The following TMEM132D variants were observed in gnomAD, a reference collection of about 807,000 sequenced individuals.
TMEM132D encodes the protein transmembrane protein 132D.
Under a neutral mutation model 62.3 loss-of-function variants are expected in TMEM132D, and 21 were observed. That is an observed-to-expected ratio of 0.34 (90% CI 0.24 to 0.49). The LOEUF is 0.49. Ranked by LOEUF, TMEM132D falls within the 20% of genes least tolerant of loss-of-function variation. TMEM132D has a pLI of 0.99. For synonymous variants in TMEM132D, 621 were observed against 575.6 expected, an observed-to-expected ratio of 1.08 and a Z score of -1.13; for missense variants, 1,346 against 1,402.8, an observed-to-expected ratio of 0.96 and a Z score of 0.65.
At chr12:129,595,331 G>A (rs920002069) in intron 2 of TMEM132D, among the ~76,000 whole-genome samples, 19 of 152,186 alleles carry the variant, frequency 1.2e-4, no homozygotes, top group African/African-American at 4.3e-4. Flanking sequence ...ATACAGTGAT[G>A]TGCAGAGATA....
At chr12:129,134,956 T>G (rs1392011585) in intron 5 of TMEM132D, among the ~76,000 whole-genome samples, 1 of 152,270 alleles carries the variant, frequency 6.6e-6, no homozygotes, top group Non-Finnish European at 1.5e-5. Flanking sequence ...AAACCCACAC[T>G]GGACCAATTA....
chr12:129,149,815 G>A (rs1877020106), intron 5 of TMEM132D, among the ~76,000 whole-genome samples: 1 of 152,228 alleles, frequency 6.6e-6, no homozygotes, highest in Admixed American at 6.5e-5. Context: ...TGGCTATGGG[G>A]GCAGATAGAC....
intron 3 of TMEM132D, among the ~76,000 whole-genome samples, chr12:129,477,770 A>C (rs968706728): frequency 6.6e-6 from 1 of 152,112 alleles, no homozygotes; most frequent in Non-Finnish European, 1.5e-5. Context: ...GCAGTGAGCC[A>C]AGATCACACC....
Position 129,554,943 on chromosome 12 carries a change from C to T in TMEM132D, c.969-23738G>A, listed in dbSNP as rs534832939. ...TCCCTGTTTTTCATGGAGTTCCAGT[C>T]GCTTGCATAATTCTCTCTTCTAGCC... is the stretch of plus-strand genomic sequence containing the variant. On this transcript the variant is annotated intron_variant, in intron 2 of 8. Transcript: ENST00000422113. Among the ~76,000 whole-genome samples, 8 of 152,122 alleles carry T rather than the reference C, an allele frequency of 5.3e-5. No individual in the cohort carries two copies. The East Asian group carries it at 1.3e-3, about 26-fold the overall frequency.
intron 1 of TMEM132D, among the ~76,000 whole-genome samples, chr12:129,871,788 T>C (rs552569162): frequency 2.2e-4 from 33 of 152,280 alleles, no homozygotes; most frequent in Middle Eastern, 3.4e-3. Context: ...GGGCTCCAGA[T>C]CTAGGGTCAA....
At chr12:129,770,143 GTTT>G (rs71082754) in intron 1 of TMEM132D, among the ~76,000 whole-genome samples, 3 of 128,104 alleles carry the variant, frequency 2.3e-5, no homozygotes, top group South Asian at 4.8e-4. Context: ...TTTTTTGGTT[GTTT>G]TTTTTTTTTT....
intron 5 of TMEM132D, among the ~76,000 whole-genome samples, chr12:129,095,073 T>C (rs1182635069): frequency 2.0e-5 from 3 of 151,558 alleles, no homozygotes; most frequent in Admixed American, 6.6e-5. Context: ...AGGAGATATA[T>C]CTAATGCTAA....
At chr12:129,838,632 AAG>A (rs1269631284) in intron 1 of TMEM132D, among the ~76,000 whole-genome samples, 2 of 152,216 alleles carry the variant, frequency 1.3e-5, no homozygotes, top group Non-Finnish European at 2.9e-5. Context: ...TAAATATAGA[AAG>A]AGCTGTTAGA....
chr12:129,728,776 C>T (rs1398088800), intron 1 of TMEM132D, among the ~76,000 whole-genome samples: 1 of 152,164 alleles, frequency 6.6e-6, no homozygotes, highest in Non-Finnish European at 1.5e-5. Context: ...TGGTTCTTGG[C>T]CATCCCAAGA....
chr12:129,794,029 TC>T (rs1871479795), intron 1 of TMEM132D, among the ~76,000 whole-genome samples: 4 of 152,136 alleles, frequency 2.6e-5, no homozygotes, highest in Admixed American at 2.0e-4. Context: ...TCCATGGAGA[TC>T]CTTATTCTTG....
chr12:129,215,729 C>G (rs1879181985), intron 4 of TMEM132D, among the ~76,000 whole-genome samples: 1 of 152,224 alleles, frequency 6.6e-6, no homozygotes, highest in Non-Finnish European at 1.5e-5. Flanking sequence ...CTGATATACC[C>G]AAGACTGGGT....
chr12:129,156,414 C>T (rs1283684569), intron 5 of TMEM132D, among the ~76,000 whole-genome samples: 1 of 152,152 alleles, frequency 6.6e-6, no homozygotes, highest in African/African-American at 2.4e-5. Context: ...AACCCACTCT[C>T]ATGAGAACTA....
At chr12:129,259,533 G>C (rs1297693729) in intron 4 of TMEM132D, among the ~76,000 whole-genome samples, 1 of 152,212 alleles carries the variant, frequency 6.6e-6, no homozygotes, top group Admixed American at 6.5e-5. Flanking sequence ...GTAGTGCTGG[G>C]AGTGTGTTTT....
At chr12:129,754,357 G>C (rs1870097150) in intron 1 of TMEM132D, among the ~76,000 whole-genome samples, 1 of 152,170 alleles carries the variant, frequency 6.6e-6, no homozygotes, top group Non-Finnish European at 1.5e-5. Context: ...TCAGAGAGTT[G>C]ACATGTCTGG....
At chr12:129,342,219 A>G (rs930748835) in intron 3 of TMEM132D, among the ~76,000 whole-genome samples, 25 of 152,248 alleles carry the variant, frequency 1.6e-4, no homozygotes, top group African/African-American at 6.0e-4. Context: ...TACTGGTACC[A>G]AAACAGAGAT....
intron 3 of TMEM132D, among the ~76,000 whole-genome samples, chr12:129,425,170 C>T (rs558501572): frequency 2.4e-4 from 37 of 152,254 alleles, no homozygotes; most frequent in Admixed American, 9.8e-4. Flanking sequence ...TGTCTGTGTT[C>T]GTTCCAGTTT....
intron 3 of TMEM132D, among the ~76,000 whole-genome samples, chr12:129,477,182 G>A (rs550333316): frequency 2.0e-5 from 3 of 152,224 alleles, no homozygotes; most frequent in South Asian, 2.1e-4. Flanking sequence ...CTCCTTGGTC[G>A]TGACAATGAA....
At chr12:129,545,572 G>A (rs548980444) in intron 2 of TMEM132D, among the ~76,000 whole-genome samples, 5 of 152,188 alleles carry the variant, frequency 3.3e-5, no homozygotes, top group East Asian at 1.9e-4. Context: ...GAGCTTATGC[G>A]TCTTGCATAA....
At chr12:129,316,988 A>G (rs1353620748) in intron 4 of TMEM132D, among the ~76,000 whole-genome samples, 1 of 152,060 alleles carries the variant, frequency 6.6e-6, no homozygotes, top group Non-Finnish European at 1.5e-5. Flanking sequence ...TTTGGTGTCC[A>G]TTCGTATGAC....
Sources: allele counts gnomAD v4.1 joint callset (sites outside exome capture counted in the v4.1 genomes callset), GRCh38; gene constraint gnomAD v4.1.1; transcripts MANE v1.5; gene names NCBI Gene and HGNC (gene_info 2026-07-23, HGNC 2026-07-21).